The following TERT variants were observed in gnomAD, a reference collection of about 807,000 sequenced individuals.
The protein encoded by TERT is telomerase reverse transcriptase, also known as telomerase catalytic subunit.
TERT carries 42 observed loss-of-function variants against 104.0 expected under a neutral mutation model. The observed-to-expected ratio is 0.40, with a 90% CI of 0.32 to 0.52. The LOEUF is 0.52. TERT is among the 20% of genes least tolerant of loss of function. The probability of loss-of-function intolerance (pLI) is 0.43; values close to 1 mark genes in which losing one functional copy is unlikely to be tolerated. For missense variants in TERT, 1,101 were observed against 1,610.3 expected, an observed-to-expected ratio of 0.68 and a Z score of 5.41; for synonymous variants, 781 against 725.6, an observed-to-expected ratio of 1.08 and a Z score of -1.23.
At chr5:1,277,028 C>T (rs758484926) in intron 6 of TERT, among the ~76,000 whole-genome samples, 15 of 152,240 alleles carry the variant, frequency 9.9e-5, no homozygotes, top group Non-Finnish European at 1.8e-4. Flanking sequence ...GGCAGGCAGG[C>T]GCCCCATACA....
rs1021610151 is a variant in TERT at position 1,270,985 on chromosome 5, C to T, written c.2468+134G>A. ...CCTGCAGCCCAGGAGCCGGAGGGGGCGGGGGCCAGAAAAGGAGACTCTGGT... is the reference window on the plus strand; with the variant it reads ...CCTGCAGCCCAGGAGCCGGAGGGGGTGGGGGCCAGAAAAGGAGACTCTGGT... On this transcript the variant is annotated intron_variant, in intron 8 of 15. Coordinates refer to ENST00000310581, the MANE Select transcript of TERT (RefSeq NM_198253.3). This position sits in a 1 kb window ranked among gnomAD's most constrained non-coding sequence, Gnocchi z 8.3. 4.3e-5 allele frequency: 31 copies of T among 715,142 alleles called. No individual in the cohort carries two copies. Among genetic ancestry groups the T allele is most frequent in the African/African-American group, 3.9e-4 (22 of 56,874 alleles). The allele number at this position is 715,142 out of a possible 1,614,324, so 44.3% of individuals were successfully genotyped here. A position where few individuals can be genotyped will look rare whatever the true frequency, so the allele number is the denominator to read the frequency against.
Position 1,280,298 on chromosome 5 carries a change from C to T in TERT, c.1810G>A (p.Ala604Thr), listed in dbSNP as rs2126644638. Residue 604 changes from alanine (A) to threonine (T), a missense_variant, in exon 4 of 16, where the codon GCA becomes ACA. Physicochemically the swap from Ala to Thr is moderately conservative, Grantham distance 58. This residue lies in a region of TERT where 463 missense variants were observed against 797.5 expected (regional missense o/e 0.58). Coordinates refer to ENST00000310581, the MANE Select transcript of TERT (RefSeq NM_198253.3). ...KRVQLRELSE[A>T]EVRQHREARP... ...GCTTCCCGATGCTGCCTGACCTCTGCTTCCGACAGCTCCCGCAGCTGCACC... is the reference window on the plus strand; with the variant it reads ...GCTTCCCGATGCTGCCTGACCTCTGTTTCCGACAGCTCCCGCAGCTGCACC... The T allele has an allele frequency of 6.2e-7, 1 of 1,613,588 alleles. No homozygotes were observed. Among genetic ancestry groups the T allele is most frequent in the Non-Finnish European group, 8.5e-7 (1 of 1,180,024 alleles).
rs945881076 is a variant in TERT at position 1,253,814 on chromosome 5, G to A, written c.3313C>T (p.Arg1105Trp). 3.7e-6 allele frequency: 6 copies of A among 1,610,596 alleles called. No homozygotes were observed. Among genetic ancestry groups the A allele is most frequent in the South Asian group, 1.1e-5 (1 of 90,162 alleles). The change falls in exon 16 of 16, where the codon CGG (arginine) becomes TGG (tryptophan). Residue 1105 changes from arginine to tryptophan, a missense_variant. This residue lies in a region of TERT where 463 missense variants were observed against 797.5 expected (regional missense o/e 0.58). Coordinates refer to ENST00000310581, the MANE Select transcript of TERT (RefSeq NM_198253.3). ...GTCAGCGTCGTCCCCGGGAGCTTCC[G>A]ACTCAGCTGCGTCTGGGCTGCGGGG... Reference protein sequence around the residue: ...SLRTAQTQLSRKLPGTTLTAL... With the variant: ...SLRTAQTQLSWKLPGTTLTAL...
chr5:1,286,018 G>A lies in TERT; in HGVS notation c.1574-3394C>T, dbSNP rs924982996. On this transcript the variant is annotated intron_variant, in intron 2 of 15. Transcript: ENST00000310581. This position sits in a 1 kb window ranked among gnomAD's most constrained non-coding sequence, Gnocchi z 5.3. The stretch of plus-strand genomic sequence containing the variant: ...GCACCGTCAGAGCTGGCGCCACACC[G>A]CAGGTTTGCGCGATTTCAAACTCGA... Among the ~76,000 whole-genome samples the A allele has an allele frequency of 2.0e-5, 3 of 152,050 alleles. No homozygotes were observed. The highest frequency in any genetic ancestry group is 6.6e-5 in the Admixed American group (1 of 15,260).
chr5:1,267,534 C>T (rs1434569891), intron 9 of TERT, among the ~76,000 whole-genome samples: 3 of 152,322 alleles, frequency 2.0e-5, no homozygotes, highest in African/African-American at 4.8e-5. Flanking sequence ...CACATGCACA[C>T]GTATGTTTAT....
intron 4 of TERT, 138 bp from the exon 5 acceptor site, chr5:1,279,608 C>A (rs943113695): frequency 4.8e-6 from 4 of 838,662 alleles, no homozygotes; most frequent in African/African-American, 1.7e-5. Context: ...CCCCTCCCAG[C>A]TTCCTCAGAC....
chr5:1,286,755 G>A lies in TERT; in HGVS notation c.1574-4131C>T, dbSNP rs1018879019. Among the ~76,000 whole-genome samples the A allele has an allele frequency of 5.3e-5, 8 of 152,096 alleles. No individual in the cohort carries two copies. The highest frequency in any genetic ancestry group is 9.7e-5 in the African/African-American group (4 of 41,406). On this transcript the variant is annotated intron_variant, in intron 2 of 15. Transcript: ENST00000310581. This position sits in a 1 kb window ranked among gnomAD's most constrained non-coding sequence, Gnocchi z 5.3. ...TAGCCAGGCGTGGTGGTGGGCGCCTGTAATCCCAGCTACTCATGAGGTTGA... is the reference window on the plus strand; with the variant it reads ...TAGCCAGGCGTGGTGGTGGGCGCCTATAATCCCAGCTACTCATGAGGTTGA...
chr5:1,267,131 T>A (rs1256146755), intron 9 of TERT, among the ~76,000 whole-genome samples: 1 of 152,254 alleles, frequency 6.6e-6, no homozygotes, highest in Non-Finnish European at 1.5e-5. Context: ...TTCTGTTACA[T>A]AAACTTATTT....
rs2126691833 is a variant in TERT, at chr5:1,294,859, G to C, written c.131C>G (p.Pro44Arg). 6.9e-7 allele frequency: 1 copy of C among 1,456,834 alleles called. No individual in the cohort carries two copies. The highest frequency in any genetic ancestry group is 9.0e-7 in the Non-Finnish European group (1 of 1,113,084). The allele number at this position is 1,456,834 out of a possible 1,614,324, so 90.2% of individuals were successfully genotyped here. Residue 44 changes from proline to arginine, a missense_variant, in exon 1 of 16, where the codon CCG (proline) becomes CGG (arginine). Transcript: ENST00000310581. ...QGWRLVQRGD[P>R]AAFRALVAQC... ...GGCCACCAGCGCGCGGAAAGCCGCC[G>C]GGTCCCCGCGCTGCACCAGCCGCCA...
At position 1,268,537 on chromosome 5, in the gene TERT, C is replaced by T. The variant is rs769077049; in HGVS notation, c.2565G>A (p.Ala855=). Residue 855 remains alanine, a synonymous_variant, in exon 9 of 16, where the codon GCG becomes GCA. Transcript: ENST00000310581. This position sits in a 1 kb window ranked among gnomAD's most constrained non-coding sequence, Gnocchi z 5.5. The part of the protein sequence containing the change: ...CYGDMENKLF[A]GIRRDGLLLR... Reference sequence around the variant, plus strand: ...GGCCTCACCCGTCCCGCCGAATCCCCGCAAACAGCTTGTTCTCCATGTCGC... The same window carrying T: ...GGCCTCACCCGTCCCGCCGAATCCCTGCAAACAGCTTGTTCTCCATGTCGC... The T allele has an allele frequency of 5.5e-5, 88 of 1,613,414 alleles. No individual in the cohort carries two copies. Among genetic ancestry groups the T allele is most frequent in the South Asian group, 3.5e-4 (32 of 91,092 alleles).
At chr5:1,275,499 C>T (rs531121173) in intron 6 of TERT, among the ~76,000 whole-genome samples, 1 of 152,234 alleles carries the variant, frequency 6.6e-6, no homozygotes, top group East Asian at 1.9e-4. Flanking sequence ...GCCTGGAAGC[C>T]CTGCCCACCG....
chr5:1,267,856 G>A (rs1318967499), intron 9 of TERT, among the ~76,000 whole-genome samples: 1 of 152,120 alleles, frequency 6.6e-6, no homozygotes, highest in Non-Finnish European at 1.5e-5. Context: ...AGTGGGGAGG[G>A]ATAGCATTAG....
Position 1,286,178 on chromosome 5 carries a change from C to T in TERT, c.1574-3554G>A, listed in dbSNP as rs35135137. On this transcript the variant is annotated intron_variant, in intron 2 of 15. Coordinates refer to ENST00000310581, the MANE Select transcript of TERT (RefSeq NM_198253.3). This position sits in a 1 kb window ranked among gnomAD's most constrained non-coding sequence, Gnocchi z 5.3. Reference sequence around the variant, plus strand: ...CCAGACACTCACGGGCCAAGATGACCGCCCTCCTCGTGAGTCTCCACATCT... The same window carrying T: ...CCAGACACTCACGGGCCAAGATGACTGCCCTCCTCGTGAGTCTCCACATCT... Among the ~76,000 whole-genome samples the T allele has an allele frequency of 5.3e-5, 8 of 152,270 alleles. No individual in the cohort carries two copies. The East Asian group carries it at 7.7e-4, about 15-fold the overall frequency.
intron 2 of TERT, among the ~76,000 whole-genome samples, chr5:1,283,992 AG>A (rs1750269909): frequency 1.1e-5 from 1 of 89,206 alleles, no homozygotes. Context: ...ATCCGGATAC[AG>A]CACATCCAGC....
In TERT at chr5:1,277,574, G is replaced by A. The variant is rs1420256691; in HGVS notation, c.2286+1067C>T. 3.4e-5 allele frequency among the ~76,000 whole-genome samples: 5 copies of A among 148,476 alleles called. No individual in the cohort carries two copies. The South Asian group carries it at 1.1e-3, about 33-fold the overall frequency. ...TCGAGGTCGGAACGAGGGTCACGGT[G>A]GGGGCGGTAGCTTCCGCTGCAGCGG... On this transcript the variant is annotated intron_variant, in intron 6 of 15. Transcript: ENST00000310581.
intron 6 of TERT, among the ~76,000 whole-genome samples, chr5:1,275,443 G>C (rs1229743653): frequency 6.6e-6 from 1 of 151,572 alleles, no homozygotes; most frequent in African/African-American, 2.4e-5. Context: ...GAATTCCAAG[G>C]ACGGAGCGTA....
intron 9 of TERT, among the ~76,000 whole-genome samples, chr5:1,267,233 A>G (rs1748673876): frequency 6.6e-6 from 1 of 152,058 alleles, no homozygotes; most frequent in Non-Finnish European, 1.5e-5. Flanking sequence ...CACAGGAAAA[A>G]CCCGGAGTCT....
At chr5:1,278,378 T>C (rs781003864) in intron 6 of TERT, among the ~76,000 whole-genome samples, 2 of 151,772 alleles carry the variant, frequency 1.3e-5, no homozygotes, top group African/African-American at 4.8e-5. Context: ...AGCATGAACA[T>C]GCACGTGTCA....
At chr5:1,271,237 A>C (rs1749011612) in intron 7 of TERT, 33 bp from the exon 8 acceptor site, 1 of 1,537,938 alleles carries the variant, frequency 6.5e-7, no homozygotes, top group Admixed American at 1.7e-5. Flanking sequence ...CATGGGAGTG[A>C]GCCGGTGGGT....
Sources: allele counts gnomAD v4.1 joint callset (sites outside exome capture counted in the v4.1 genomes callset), GRCh38; gene constraint gnomAD v4.1.1; regional missense constraint gnomAD v4.1.1; non-coding constraint Gnocchi (gnomAD v3.1); transcripts MANE v1.5; gene names NCBI Gene and HGNC (gene_info 2026-07-23, HGNC 2026-07-21).